The following ARHGAP17 variants were observed in gnomAD, a reference collection of about 807,000 sequenced individuals.
ARHGAP17 encodes the protein rho GTPase-activating protein 17.
A neutral mutation model predicts 99.5 loss-of-function variants in ARHGAP17; 57 were observed. That is an observed-to-expected ratio of 0.57 (90% CI 0.46 to 0.71). ARHGAP17 has a LOEUF of 0.71. Among genes scored for constraint, ARHGAP17 ranks in the 30% least tolerant of loss-of-function variants. The pLI is 0.00. For synonymous variants in ARHGAP17, 417 were observed against 429.6 expected, an observed-to-expected ratio of 0.97 and a Z score of 0.36; for missense variants, 1,000 against 1,122.4, an observed-to-expected ratio of 0.89 and a Z score of 1.56.
chr16:25,006,630 T>C (rs974151302), intron 1 of ARHGAP17, among the ~76,000 whole-genome samples: 1 of 152,060 alleles, frequency 6.6e-6, no homozygotes, highest in African/African-American at 2.4e-5. Flanking sequence ...ATAAATACCA[T>C]AGGCGTTGCA....
chr16:24,922,856 T>C (rs1440211942), intron 19 of ARHGAP17, among the ~76,000 whole-genome samples: 2 of 151,864 alleles, frequency 1.3e-5, no homozygotes, highest in African/African-American at 4.8e-5. Flanking sequence ...TTTTTATTTT[T>C]GGTAGAGACA....
intron 14 of ARHGAP17, among the ~76,000 whole-genome samples, chr16:24,946,330 C>T (rs558328295): frequency 1.3e-5 from 2 of 151,916 alleles, no homozygotes; most frequent in African/African-American, 4.8e-5. Flanking sequence ...CACGAAGCCA[C>T]GTGACATGCC....
At chr16:25,013,360 C>G (rs547567102) in intron 1 of ARHGAP17, among the ~76,000 whole-genome samples, 1 of 152,152 alleles carries the variant, frequency 6.6e-6, no homozygotes, top group Admixed American at 6.5e-5. Context: ...AGGTGGCTCA[C>G]GCTTGTAGTC....
At chr16:24,945,312 G>A (rs981381313) in intron 14 of ARHGAP17, among the ~76,000 whole-genome samples, 12 of 149,568 alleles carry the variant, frequency 8.0e-5, no homozygotes, top group African/African-American at 3.0e-4. Flanking sequence ...AACAAAGCGA[G>A]AACTTGTCTC....
At chr16:24,976,493 C>T (rs993901979) in intron 3 of ARHGAP17, among the ~76,000 whole-genome samples, 1 of 151,080 alleles carries the variant, frequency 6.6e-6, no homozygotes, top group African/African-American at 2.4e-5. Flanking sequence ...TGTACTACCA[C>T]ACTACAGCCT....
chr16:24,983,041 G>C lies in ARHGAP17; in HGVS notation c.54-4036C>G. ...TTTTTTTGAGACAGGGTCTCGTTCT[G>C]TCACCCAGGCTGGAGTGCAGTGCCA... On this transcript the variant is annotated intron_variant, in intron 1 of 19. Transcript: ENST00000289968. Among the ~76,000 whole-genome samples the C allele has an allele frequency of 1.8e-5, 2 of 110,252 alleles. 1 individual carries two copies. The highest frequency in any genetic ancestry group is 5.8e-4 in the East Asian group (2 of 3,446). 72.3% of individuals were successfully genotyped at this position (110,252 alleles called of 152,430 possible). A position where few individuals can be genotyped will look rare whatever the true frequency, so the allele number is the denominator to read the frequency against.
rs1409654710 is a variant in ARHGAP17, at chr16:24,939,418, G to A, written c.1670C>T (p.Thr557Ile). ...SRAESSSGGG[T>I]VPSSAGILEQ... ...CAGTATGCCCGCGGAAGAGGGGACA[G>A]TCCCACCCCCAGAGCTGCTTTCAGC... Residue 557 changes from threonine (T) to isoleucine (I), a missense_variant, in exon 17 of 20, where the codon ACT (threonine) becomes ATT (isoleucine). Physicochemically the swap from Thr to Ile is moderately conservative, Grantham distance 89. This residue lies in a region of ARHGAP17 where 528 missense variants were observed against 511.4 expected (regional missense o/e 1.03). Transcript: ENST00000289968. 3 of 1,611,600 alleles carry A rather than the reference G, an allele frequency of 1.9e-6. No individual in the cohort carries two copies. The highest frequency in any genetic ancestry group is 2.2e-5 in the South Asian group (2 of 90,690).
At chr16:24,976,244 G>A (rs1250380485) in intron 3 of ARHGAP17, among the ~76,000 whole-genome samples, 3 of 152,194 alleles carry the variant, frequency 2.0e-5, no homozygotes, top group Admixed American at 1.3e-4. Context: ...AAAACTACTG[G>A]GGCCAAGTAT....
In ARHGAP17 at chr16:24,947,607, A is replaced by T. The variant is rs753348208; in HGVS notation, c.1128-12T>A. On this transcript the variant is annotated splice_polypyrimidine_tract_variant and intron_variant, in intron 13 of 19. Coordinates refer to ENST00000289968, the MANE Select transcript of ARHGAP17 (RefSeq NM_001006634.3). ...ACTTGATCAAATATCTAGGGGTCAA[A>T]AGAGAAGGGGAGGGTTTCTCCTCTG... 4 of 1,599,712 alleles carry T rather than the reference A, an allele frequency of 2.5e-6. No individual in the cohort carries two copies. The highest frequency in any genetic ancestry group is 3.3e-5 in the Admixed American group (2 of 59,992).
intron 18 of ARHGAP17, among the ~76,000 whole-genome samples, chr16:24,934,356 T>C (rs1392965287): frequency 6.6e-6 from 1 of 151,894 alleles, no homozygotes; most frequent in Non-Finnish European, 1.5e-5. Flanking sequence ...GAGATGGGGT[T>C]TCACCATGTT....
At chr16:24,975,327 A>C (rs946827652) in intron 3 of ARHGAP17, among the ~76,000 whole-genome samples, 2 of 152,246 alleles carry the variant, frequency 1.3e-5, no homozygotes, top group Non-Finnish European at 2.9e-5. Flanking sequence ...AGTCACTGGC[A>C]TAAACACATC....
intron 18 of ARHGAP17, among the ~76,000 whole-genome samples, chr16:24,934,161 A>AT (rs199861771): frequency 2.6e-3 from 390 of 151,128 alleles, no homozygotes; most frequent in Non-Finnish European, 4.2e-3. Flanking sequence ...AATTTAATCC[A>AT]TTTTTTTTTC....
At chr16:25,005,908 G>A (rs190187206) in intron 1 of ARHGAP17, among the ~76,000 whole-genome samples, 74 of 152,116 alleles carry the variant, frequency 4.9e-4, no homozygotes, top group African/African-American at 1.7e-3. Context: ...ACTAAATGAC[G>A]GCATTATCAT....
intron 1 of ARHGAP17, among the ~76,000 whole-genome samples, chr16:24,983,504 T>C (rs2052765199): frequency 6.7e-6 from 1 of 149,264 alleles, no homozygotes; most frequent in Non-Finnish European, 1.5e-5. Flanking sequence ...GGATTCTCAC[T>C]ACATTGCCCA....
intron 1 of ARHGAP17, among the ~76,000 whole-genome samples, chr16:24,984,250 C>A (rs989310807): frequency 6.6e-6 from 1 of 152,166 alleles, no homozygotes; most frequent in Non-Finnish European, 1.5e-5. Flanking sequence ...AGGCTGTGGT[C>A]TTCCAAACAA....
intron 9 of ARHGAP17, 71 bp downstream of exon 9, chr16:24,959,600 G>T: frequency 6.8e-7 from 1 of 1,463,950 alleles, no homozygotes; most frequent in Non-Finnish European, 9.5e-7. Context: ...AGAGGAGTCA[G>T]GGTGAAGAAG....
intron 7 of ARHGAP17, among the ~76,000 whole-genome samples, chr16:24,961,518 ATTTTTTTTTTTTTT>A (rs1171754361): frequency 1.2e-5 from 1 of 81,500 alleles, no homozygotes; most frequent in African/African-American, 5.0e-5. Flanking sequence ...AAAAAAAAAA[ATTTTTTTTTTTTTT>A]TTTTTTTTTT....
chr16:24,970,599 T>C lies in ARHGAP17; in HGVS notation c.199-19A>G. 6.2e-7 allele frequency: 1 copy of C among 1,603,998 alleles called. No individual in the cohort carries two copies. On this transcript the variant is annotated intron_variant, in intron 3 of 19. Transcript: ENST00000289968. The stretch of plus-strand genomic sequence containing the variant: ...GTTTTTTCTGGAAGATAGAAGACAG[T>C]GTGTGTTTTTCTCATTATTTGATAC...
intron 1 of ARHGAP17, among the ~76,000 whole-genome samples, chr16:24,998,828 C>G (rs1047306932): frequency 3.3e-5 from 5 of 152,138 alleles, no homozygotes; most frequent in African/African-American, 9.7e-5. Flanking sequence ...GTAGACAGAG[C>G]CTTGGAAGTC....
Sources: allele counts gnomAD v4.1 joint callset (sites outside exome capture counted in the v4.1 genomes callset), GRCh38; gene constraint gnomAD v4.1.1; regional missense constraint gnomAD v4.1.1; transcripts MANE v1.5; gene names NCBI Gene and HGNC (gene_info 2026-07-23, HGNC 2026-07-21).